GDA: variants seen among roughly 807,000 people sequenced by gnomAD.
GDA encodes cytoplasmic PSD-95 interactor.
A neutral mutation model predicts 59.6 loss-of-function variants in GDA; 18 were observed. That is an observed-to-expected ratio of 0.30 (90% CI 0.21 to 0.45). GDA has a LOEUF of 0.45. Ranked by LOEUF, GDA falls within the 20% of genes least tolerant of loss-of-function variation. The pLI is 1.00. For missense variants in GDA, 427 were observed against 552.3 expected (o/e 0.77, Z 2.27); for synonymous variants, 201 against 201.1 (o/e 1.00, Z 0.00).
rs190400004 is a variant in GDA at position 72,245,763 on chromosome 9, G to A, written c.1266+485G>A. 8.4e-4 allele frequency among the ~76,000 whole-genome samples: 128 copies of A among 152,304 alleles called. No homozygotes were observed. The Middle Eastern group carries it at 0.017, about 20-fold the overall frequency. ...TTCACACCTGGGACTTTCTGACTAC[G>A]AGAGGCGAGGCTCTTGAGCACTATG... On this transcript the variant is annotated intron_variant, in intron 12 of 13. Coordinates refer to ENST00000358399, the MANE Select transcript of GDA (RefSeq NM_004293.5).
At chr9:72,207,322 C>CA (rs1834844031) in intron 3 of GDA, among the ~76,000 whole-genome samples, 3 of 152,144 alleles carry the variant, frequency 2.0e-5, no homozygotes, top group Non-Finnish European at 4.4e-5. Flanking sequence ...AACTTCTGTT[C>CA]TGTTTTCATG....
chr9:72,138,041 A>C (rs373952208), intron 1 of GDA, among the ~76,000 whole-genome samples: 23 of 152,102 alleles, frequency 1.5e-4, no homozygotes, highest in African/African-American at 5.3e-4. Flanking sequence ...TTGTGCTTAT[A>C]TGGGAGGGAG....
chr9:72,220,200 A>G (rs1836693578), intron 6 of GDA, among the ~76,000 whole-genome samples: 1 of 152,202 alleles, frequency 6.6e-6, no homozygotes, highest in Admixed American at 6.5e-5. Flanking sequence ...ACAATACTGC[A>G]TGATCTCACT....
chr9:72,161,457 T>G (rs1303388165), intron 1 of GDA, among the ~76,000 whole-genome samples: 1 of 151,840 alleles, frequency 6.6e-6, no homozygotes, highest in Non-Finnish European at 1.5e-5. Context: ...CTAATCTAGA[T>G]GCCAATGTAT....
intron 1 of GDA, among the ~76,000 whole-genome samples, chr9:72,161,614 A>T (rs1828639763): frequency 6.6e-6 from 1 of 152,204 alleles, no homozygotes; most frequent in Admixed American, 6.5e-5. Flanking sequence ...AATAATGTAG[A>T]TTATAAAGGC....
intron 9 of GDA, among the ~76,000 whole-genome samples, chr9:72,230,575 A>G (rs1003587485): frequency 6.6e-6 from 1 of 151,746 alleles, no homozygotes; most frequent in Admixed American, 6.6e-5. Flanking sequence ...CAGCCCAGGA[A>G]CCATCTATCC....
At chr9:72,125,588 C>T (rs183503113) in intron 1 of GDA, among the ~76,000 whole-genome samples, 103 of 152,118 alleles carry the variant, frequency 6.8e-4, no homozygotes, top group African/African-American at 2.0e-3. Flanking sequence ...TTAAAAATGA[C>T]GCCAACTATA....
In GDA at chr9:72,249,938, T is replaced by C; in HGVS notation, c.*1596T>C. On this transcript the variant is annotated 3_prime_UTR_variant, in exon 14 of 14. Coordinates refer to ENST00000358399, the MANE Select transcript of GDA (RefSeq NM_004293.5). ...GTTTTTTCCCTAATAGAAATACTTT[T>C]AGATTTGATTATGTATACATGACAC... The C allele has an allele frequency of 1.1e-6, 1 of 947,166 alleles. No individual in the cohort carries two copies. The highest frequency in any genetic ancestry group is 1.3e-6 in the Non-Finnish European group (1 of 795,218). The allele number at this position is 947,166 out of a possible 1,614,324, so 58.7% of individuals were successfully genotyped here. A position where few individuals can be genotyped will look rare whatever the true frequency, so the allele number is the denominator to read the frequency against.
chr9:72,190,967 T>C (rs1302384367), intron 1 of GDA, among the ~76,000 whole-genome samples: 1 of 152,230 alleles, frequency 6.6e-6, no homozygotes, highest in Non-Finnish European at 1.5e-5. Flanking sequence ...TATTTTCCAT[T>C]TTTATAGATG....
intron 1 of GDA, among the ~76,000 whole-genome samples, chr9:72,133,287 T>TAAAAAAAA (rs1257876460): frequency 1.0e-5 from 1 of 95,550 alleles, no homozygotes; most frequent in African/African-American, 4.3e-5. Flanking sequence ...AGACTCTGTC[T>TAAAAAAAA]AAAAAAAAAA....
chr9:72,224,801 GC>G (rs547668407), intron 7 of GDA, among the ~76,000 whole-genome samples: 206 of 135,300 alleles, frequency 1.5e-3, no homozygotes, highest in African/African-American at 5.4e-3. Flanking sequence ...CACTCATCTA[GC>G]CCAACCCTTT....
At chr9:72,258,725 G>A (rs1290535223), downstream of GDA, among the ~76,000 whole-genome samples, 1 of 152,188 alleles carries the variant, frequency 6.6e-6, no homozygotes, top group Admixed American at 6.5e-5. Context: ...CCTTTCAGTG[G>A]ACAGAGGTCC....
chr9:72,232,500 A>G (rs1306593597), intron 10 of GDA, among the ~76,000 whole-genome samples: 2 of 152,226 alleles, frequency 1.3e-5, no homozygotes, highest in Non-Finnish European at 2.9e-5. Flanking sequence ...CACAGGTGTT[A>G]AAGGAGGAAA....
intron 5 of GDA, among the ~76,000 whole-genome samples, chr9:72,218,131 C>A (rs1836380919): frequency 6.6e-6 from 1 of 152,172 alleles, no homozygotes; most frequent in Non-Finnish European, 1.5e-5. Flanking sequence ...CCAGGCTGAT[C>A]TTGAACTCCT....
At chr9:72,223,530 G>A (rs10781089) in intron 7 of GDA, among the ~76,000 whole-genome samples, 70,599 of 151,980 alleles carry the variant, frequency 0.46, 16,486 homozygotes, top group Middle Eastern at 0.56. Flanking sequence ...ACTGTGATCT[G>A]TTCTCTGTAG....
At chr9:72,255,361 G>C (rs976606368), downstream of GDA, among the ~76,000 whole-genome samples, 1 of 152,162 alleles carries the variant, frequency 6.6e-6, no homozygotes, top group Non-Finnish European at 1.5e-5. Context: ...TGAGCAATGA[G>C]GGCATCTATG....
At chr9:72,142,579 A>G (rs1354891238) in intron 1 of GDA, among the ~76,000 whole-genome samples, 1 of 151,936 alleles carries the variant, frequency 6.6e-6, no homozygotes, top group Non-Finnish European at 1.5e-5. Context: ...TCTCAAAAAA[A>G]AAAAAGAAGT....
At chr9:72,187,265 G>A (rs1831973816) in intron 1 of GDA, among the ~76,000 whole-genome samples, 2 of 152,122 alleles carry the variant, frequency 1.3e-5, no homozygotes, top group African/African-American at 4.8e-5. Flanking sequence ...TTAAGAGGTG[G>A]GGCCTTTCAG....
Position 72,235,772 on chromosome 9 carries a change from G to A in GDA, c.988+4591G>A, listed in dbSNP as rs182512691. Among the ~76,000 whole-genome samples, 383 of 151,544 alleles carry A rather than the reference G, an allele frequency of 2.5e-3. 6 individuals carry two copies. Among genetic ancestry groups the A allele is most frequent in the East Asian group, 2.9e-3 (15 of 5,174 alleles). ...GACTTTTCAGTATAAAAATATTAGA[G>A]ATAACTACTTGAAGAATTTTAAAGA... On this transcript the variant is annotated intron_variant, in intron 10 of 13. Coordinates refer to ENST00000358399, the MANE Select transcript of GDA (RefSeq NM_004293.5).
Sources: gnomAD v4.1 joint callset for allele counts (sites outside exome capture counted in the v4.1 genomes callset) on GRCh38, gnomAD v4.1.1 for gene constraint, MANE v1.5 for transcripts, NCBI Gene and HGNC (gene_info 2026-07-23, HGNC 2026-07-21) for gene names.